The following KDM2B variants were observed in gnomAD, a reference collection of about 807,000 sequenced individuals.
KDM2B encodes lysine demethylase 2B.
In KDM2B, 26 loss-of-function variants were observed where a neutral mutation model predicts 150.0. The ratio of observed to expected loss-of-function variants is 0.17; its 90% CI spans 0.13 to 0.24. The LOEUF (loss-of-function observed/expected upper bound fraction) is 0.24. KDM2B is among the 10% of genes least tolerant of loss of function. The pLI, the probability that KDM2B is intolerant of heterozygous loss-of-function variation, is 1.00. For synonymous variants in KDM2B, 734 were observed against 729.5 expected (o/e 1.01, Z -0.10); for missense variants, 1,265 against 1,816.9 (o/e 0.70, Z 5.52).
At chr12:121,563,347 C>T (rs1319566972) in intron 4 of KDM2B, among the ~76,000 whole-genome samples, 1 of 152,132 alleles carries the variant, frequency 6.6e-6, no homozygotes, top group Non-Finnish European at 1.5e-5. Flanking sequence ...TGGCTCACGC[C>T]TGTAATCCCA....
At chr12:121,578,683 A>C (rs1594171613) in intron 2 of KDM2B, 119 bp downstream of exon 2, 1 of 324,396 alleles carries the variant, frequency 3.1e-6, no homozygotes, top group South Asian at 8.9e-5. Context: ...TCGTTTCGTC[A>C]CCGGATCCCC....
intron 2 of KDM2B, among the ~76,000 whole-genome samples, chr12:121,576,916 G>A (rs934366738): frequency 8.5e-5 from 13 of 152,174 alleles, no homozygotes; most frequent in African/African-American, 2.9e-4. Flanking sequence ...ACTCCCCTCC[G>A]AAGAGAGACA....
At chr12:121,433,970 G>A (rs1873507168) in intron 22 of KDM2B, among the ~76,000 whole-genome samples, 2 of 152,060 alleles carry the variant, frequency 1.3e-5, no homozygotes, top group African/African-American at 2.4e-5. Flanking sequence ...CTTGAGCCTA[G>A]GAGTTCAAGA....
chr12:121,506,096 AACTCCTG>A (rs56312874), intron 11 of KDM2B, among the ~76,000 whole-genome samples: 2,002 of 152,084 alleles, frequency 0.013, 22 homozygotes, highest in South Asian at 0.028. Flanking sequence ...TGTAGCCTAG[AACTCCTG>A]GGCTCAAGTG....
At chr12:121,493,878 GAGAT>G (rs1883630146) in intron 12 of KDM2B, 1 of 150,828 alleles carries the variant, frequency 6.6e-6, no homozygotes, top group African/African-American at 2.4e-5. Flanking sequence ...TTTATTTTTT[GAGAT>G]AGAGTCTCAC....
intron 12 of KDM2B, among the ~76,000 whole-genome samples, chr12:121,454,486 G>A (rs2056498780): frequency 6.6e-6 from 1 of 152,174 alleles, no homozygotes. Flanking sequence ...AGAGCCTCCT[G>A]CAGACCCATG....
intron 8 of KDM2B, among the ~76,000 whole-genome samples, chr12:121,532,367 C>G (rs1428314506): frequency 1.3e-5 from 2 of 152,150 alleles, no homozygotes; most frequent in Admixed American, 1.3e-4. Flanking sequence ...TCATGACCAC[C>G]CTGGGGAAAT....
At chr12:121,556,117 G>C (rs566966085) in intron 4 of KDM2B, among the ~76,000 whole-genome samples, 1 of 152,014 alleles carries the variant, frequency 6.6e-6, no homozygotes, top group East Asian at 1.9e-4. Flanking sequence ...AGTAGAGATG[G>C]GGTTTCACCA....
rs182930455 is a variant in KDM2B at position 121,434,301 on chromosome 12, C to T, written c.3830-3832G>A. Among the ~76,000 whole-genome samples, 1,082 of 151,524 alleles carry T rather than the reference C, an allele frequency of 7.1e-3. 9 individuals carry two copies. The highest frequency in any genetic ancestry group is 0.011 in the Non-Finnish European group (752 of 67,836). ...CTATAATCCCAGCACTTTGGGAGGC[C>T]GAGGTGGGCGGATCACCTGAGGTCA... On this transcript the variant is annotated intron_variant, in intron 22 of 22. Coordinates refer to ENST00000377071, the MANE Select transcript of KDM2B (RefSeq NM_032590.5).
Position 121,442,759 on chromosome 12 carries a change from C to T in KDM2B, c.2682G>A (p.Glu894=). ...TGGGGGGCGCCTCGGGCAGTTCGTC[C>T]TCGGGTTCCTGCTTGAAGCGCCGGA... ...KPLRRFKQEP[E]DELPEAPPKT... Residue 894 remains glutamate (E), a synonymous_variant, in exon 19 of 23, where the codon GAG becomes GAA. Coordinates refer to ENST00000377071, the MANE Select transcript of KDM2B (RefSeq NM_032590.5). This position sits in a 1 kb window ranked among gnomAD's most constrained non-coding sequence, Gnocchi z 7.7. 6.5e-7 allele frequency: 1 copy of T among 1,549,590 alleles called. No homozygotes were observed. The highest frequency in any genetic ancestry group is 8.7e-7 in the Non-Finnish European group (1 of 1,153,964).
Position 121,467,247 on chromosome 12 carries a change from T to C in KDM2B, c.1735-13903A>G, listed in dbSNP as rs1880140243. 2.0e-6 allele frequency: 2 copies of C among 990,002 alleles called. No individual in the cohort carries two copies. Among genetic ancestry groups the C allele is most frequent in the Non-Finnish European group, 1.2e-6 (1 of 834,302 alleles). The allele number at this position is 990,002 out of a possible 1,614,324, so 61.3% of individuals were successfully genotyped here. A position where few individuals can be genotyped will look rare whatever the true frequency, so the allele number is the denominator to read the frequency against. Reference sequence around the variant, plus strand: ...GGGCCCAGGCTCGCGCGCGCTGACATGGCTGGAGCGGCGCCGCCGCCGCCG... The same window carrying C: ...GGGCCCAGGCTCGCGCGCGCTGACACGGCTGGAGCGGCGCCGCCGCCGCCG... On this transcript the variant is annotated intron_variant, in intron 12 of 22. Transcript: ENST00000377071. The surrounding 1 kb of genome is among the most constrained non-coding windows in gnomAD (Gnocchi z 5.1).
the KDM2B span, among the ~76,000 whole-genome samples, chr12:121,417,084 T>C: frequency 1.3e-5 from 2 of 152,222 alleles, no homozygotes; most frequent in Non-Finnish European, 2.9e-5. This position sits in a 1 kb window ranked among gnomAD's most constrained non-coding sequence, Gnocchi z 5.0. Context: ...GAGAGATCAG[T>C]TGCCTTTCTC....
the KDM2B span, among the ~76,000 whole-genome samples, chr12:121,413,088 C>T: frequency 6.6e-6 from 1 of 150,726 alleles, no homozygotes; most frequent in East Asian, 2.0e-4. Flanking sequence ...TGCAATGGTG[C>T]GATCTAGGCT....
chr12:121,498,018 C>G (rs1555301324), intron 11 of KDM2B, among the ~76,000 whole-genome samples: 1 of 152,054 alleles, frequency 6.6e-6, no homozygotes, highest in Non-Finnish European at 1.5e-5. Flanking sequence ...ATCACTTGAA[C>G]CCAGTAGGCA....
Position 121,443,670 on chromosome 12 carries a change from G to C in KDM2B, c.2565+10C>G. The C allele has an allele frequency of 2.5e-6, 4 of 1,578,164 alleles. No individual in the cohort carries two copies. Among genetic ancestry groups the C allele is most frequent in the Non-Finnish European group, 3.5e-6 (4 of 1,151,254 alleles). ...CCGGGGCCTCAGGAGGGCGTGCGTC[G>C]TGGGAGCACCTGCTGCTGGAAGTAA... On this transcript the variant is annotated intron_variant, in intron 17 of 22. Coordinates refer to ENST00000377071, the MANE Select transcript of KDM2B (RefSeq NM_032590.5).
At chr12:121,507,482 C>T (rs1040937961) in intron 11 of KDM2B, among the ~76,000 whole-genome samples, 2 of 152,232 alleles carry the variant, frequency 1.3e-5, no homozygotes, top group Non-Finnish European at 2.9e-5. Flanking sequence ...ACGAGCTGCC[C>T]GTGATTCCCC....
At chr12:121,577,900 C>T (rs1349813245) in intron 2 of KDM2B, among the ~76,000 whole-genome samples, 2 of 152,210 alleles carry the variant, frequency 1.3e-5, no homozygotes, top group African/African-American at 2.4e-5. Context: ...CAGGGCGTCA[C>T]CTTAACATCT....
At chr12:121,488,684 T>C (rs1310193604) in intron 12 of KDM2B, among the ~76,000 whole-genome samples, 1 of 151,676 alleles carries the variant, frequency 6.6e-6, no homozygotes, top group Non-Finnish European at 1.5e-5. Flanking sequence ...TGCAGTGGCA[T>C]GATCTCAGCT....
chr12:121,501,096 A>G (rs77424054), intron 11 of KDM2B, among the ~76,000 whole-genome samples: 34,320 of 152,026 alleles, frequency 0.23, 6,898 homozygotes, highest in African/African-American at 0.54. Context: ...GCAAGATTCC[A>G]TCTCAAAAAA....
Sources: gnomAD v4.1 joint callset for allele counts (sites outside exome capture counted in the v4.1 genomes callset) on GRCh38, gnomAD v4.1.1 for gene constraint, Gnocchi (gnomAD v3.1) non-coding constraint, MANE v1.5 for transcripts, NCBI Gene and HGNC (gene_info 2026-07-23, HGNC 2026-07-21) for gene names.